LMX1B: variants seen among roughly 807,000 people sequenced by gnomAD.
LMX1B encodes the protein LIM homeobox transcription factor 1 beta.
In LMX1B, 12 loss-of-function variants were observed where a neutral mutation model predicts 51.4. The ratio of observed to expected loss-of-function variants is 0.23; its 90% CI spans 0.15 to 0.38. The LOEUF is 0.38. Ranked by LOEUF, LMX1B falls within the 10% of genes least tolerant of loss-of-function variation. The pLI, the probability that LMX1B is intolerant of heterozygous loss-of-function variation, is 1.00. For synonymous variants in LMX1B, 237 were observed against 235.4 expected (o/e 1.01, Z -0.06); for missense variants, 445 against 571.1 (o/e 0.78, Z 2.25).
intron 2 of LMX1B, among the ~76,000 whole-genome samples, chr9:126,637,318 G>C (rs1405757283): frequency 2.0e-5 from 3 of 152,160 alleles, no homozygotes; most frequent in South Asian, 2.1e-4. Context: ...CAGTGTGTGT[G>C]TCCCTGTGTG....
intron 2 of LMX1B, among the ~76,000 whole-genome samples, chr9:126,672,693 C>T (rs187803061): frequency 1.1e-3 from 163 of 152,286 alleles, no homozygotes; most frequent in African/African-American, 3.9e-3. Context: ...TCAGACCCAG[C>T]ATGTGCCGTA....
Position 126,626,791 on chromosome 9 carries a change from C to CGCG in LMX1B, c.326+11227_326+11229dup, listed in dbSNP as rs1835542009. On this transcript the variant is annotated intron_variant, in intron 2 of 7. Transcript: ENST00000373474. This position sits in a 1 kb window ranked among gnomAD's most constrained non-coding sequence, Gnocchi z 4.3. ...AGCGCCTCCGCCCCACCCCCAGCCC[C>CGCG]GCGGCGGTGATTTGTGTGCGGGGGT... is the stretch of plus-strand genomic sequence containing the variant. Among the ~76,000 whole-genome samples, 2 of 152,202 alleles carry CGCG rather than the reference C, an allele frequency of 1.3e-5. No homozygotes were observed. The highest frequency in any genetic ancestry group is 4.8e-5 in the African/African-American group (2 of 41,448).
chr9:126,654,446 A>G (rs1588283063), intron 2 of LMX1B, among the ~76,000 whole-genome samples: 1 of 152,198 alleles, frequency 6.6e-6, no homozygotes, highest in South Asian at 2.1e-4. Flanking sequence ...TGAGGTGGGG[A>G]ACGGGCACCT....
intron 2 of LMX1B, among the ~76,000 whole-genome samples, chr9:126,642,887 C>T (rs566766728): frequency 2.6e-5 from 4 of 152,216 alleles, no homozygotes; most frequent in Admixed American, 1.3e-4. Flanking sequence ...GATGATGGAT[C>T]TGCAGCCCGG....
At chr9:126,650,220 C>A (rs1335476773) in intron 2 of LMX1B, among the ~76,000 whole-genome samples, 3 of 152,210 alleles carry the variant, frequency 2.0e-5, no homozygotes, top group African/African-American at 7.2e-5. Context: ...TCCTGCCCTG[C>A]CCCGAAGTCG....
chr9:126,619,634 T>G (rs1040651445), intron 2 of LMX1B, among the ~76,000 whole-genome samples: 2 of 152,210 alleles, frequency 1.3e-5, no homozygotes, highest in Non-Finnish European at 2.9e-5. Flanking sequence ...TCTGGCCCTT[T>G]GGAGGGTACC....
At chr9:126,620,046 C>A (rs1055623290) in intron 2 of LMX1B, among the ~76,000 whole-genome samples, 1 of 152,152 alleles carries the variant, frequency 6.6e-6, no homozygotes, top group Non-Finnish European at 1.5e-5. Flanking sequence ...GTTATTAATA[C>A]TCTGGAAGTT....
intron 2 of LMX1B, among the ~76,000 whole-genome samples, chr9:126,639,581 C>G (rs1835771939): frequency 6.6e-6 from 1 of 152,202 alleles, no homozygotes; most frequent in Non-Finnish European, 1.5e-5. Flanking sequence ...TAACACACGC[C>G]CAACAATAAT....
chr9:126,627,684 T>C (rs188240284), intron 2 of LMX1B, among the ~76,000 whole-genome samples: 2 of 152,264 alleles, frequency 1.3e-5, no homozygotes, highest in East Asian at 3.9e-4. Context: ...GTGACCACAG[T>C]TGAGTGCAGC....
intron 2 of LMX1B, among the ~76,000 whole-genome samples, chr9:126,666,884 G>A (rs1312696237): frequency 3.3e-5 from 5 of 152,332 alleles, no homozygotes; most frequent in South Asian, 2.1e-4. Context: ...CGAAGGGTTC[G>A]AGGTTTCTTC....
rs1393414883 is a variant in LMX1B, at chr9:126,698,621, G to A, written c.*2170G>A. ...GTGATCACTGTGTCCCCTTGTTCAG[G>A]TGCTCACAACCCTACCTTTAACTCT... On this transcript the variant is annotated 3_prime_UTR_variant, in exon 8 of 8. Transcript: ENST00000373474. The A allele has an allele frequency of 6.6e-6, 1 of 152,436 alleles. No individual in the cohort carries two copies. Among genetic ancestry groups the A allele is most frequent in the Non-Finnish European group, 1.5e-5 (1 of 68,232 alleles). The allele number at this position is 152,436 out of a possible 1,614,324, so 9.4% of individuals were successfully genotyped here.
In LMX1B at chr9:126,644,673, G is replaced by T. The variant is rs80252777; in HGVS notation, c.326+29104G>T. 6.6e-5 allele frequency among the ~76,000 whole-genome samples: 10 copies of T among 151,956 alleles called. No homozygotes were observed. In the South Asian group the frequency reaches 1.7e-3, roughly 25 times the overall value. ...AATGGCTTTGCCCTCTGGCTCAGCCGAGTGAGAACTCTACTTTGCCACTTC... is the reference window on the plus strand; with the variant it reads ...AATGGCTTTGCCCTCTGGCTCAGCCTAGTGAGAACTCTACTTTGCCACTTC... On this transcript the variant is annotated intron_variant, in intron 2 of 7. Transcript: ENST00000373474.
At chr9:126,693,860 G>A (rs745944980) in intron 6 of LMX1B, 48 bp downstream of exon 6, 1 of 919,086 alleles carries the variant, frequency 1.1e-6, no homozygotes, top group East Asian at 2.6e-5. Flanking sequence ...GCTGGGGCCG[G>A]GGCCAGGGGT....
At position 126,631,049 on chromosome 9, in the gene LMX1B, C is replaced by T. The variant is rs577497248; in HGVS notation, c.326+15480C>T. On this transcript the variant is annotated intron_variant, in intron 2 of 7. Coordinates refer to ENST00000373474, the MANE Select transcript of LMX1B (RefSeq NM_001174147.2). ...CCACCCCTCCAGCTCTGGTTCTAGT[C>T]GGCAGGCCTGGAGCCAAAGGGGCGG... 5.9e-5 allele frequency among the ~76,000 whole-genome samples: 9 copies of T among 152,334 alleles called. No homozygotes were observed. In the South Asian group the frequency reaches 1.9e-3, roughly 32 times the overall value.
rs539864392 is a variant in LMX1B at position 126,673,653 on chromosome 9, G to A, written c.327-17183G>A. Among the ~76,000 whole-genome samples, 20 of 152,236 alleles carry A rather than the reference G, an allele frequency of 1.3e-4. No homozygotes were observed. Among genetic ancestry groups the A allele is most frequent in the African/African-American group, 4.1e-4 (17 of 41,548 alleles). On this transcript the variant is annotated intron_variant, in intron 2 of 7. Transcript: ENST00000373474. The surrounding 1 kb of genome is among the most constrained non-coding windows in gnomAD (Gnocchi z 4.4). The stretch of plus-strand genomic sequence containing the variant: ...CCACCTCCACTCTGGGCAGAGAGGG[G>A]GCATCGGGGGCATGGCTAGGGGCCA...
At chr9:126,680,625 T>C (rs1432124418) in intron 2 of LMX1B, among the ~76,000 whole-genome samples, 2 of 152,068 alleles carry the variant, frequency 1.3e-5, no homozygotes, top group Admixed American at 1.3e-4. Flanking sequence ...CTAGCTCAGT[T>C]TGATGAGCAG....
chr9:126,693,071 C>A, intron 3 of LMX1B, 71 bp from the exon 4 acceptor site: 1 of 1,483,496 alleles, frequency 6.7e-7, no homozygotes, highest in Non-Finnish European at 9.1e-7. Flanking sequence ...CAGCAGGTTG[C>A]CGAAGGGGAC....
At chr9:126,639,063 T>G (rs1588273468) in intron 2 of LMX1B, among the ~76,000 whole-genome samples, 2 of 124,560 alleles carry the variant, frequency 1.6e-5, no homozygotes, top group African/African-American at 3.1e-5. Context: ...AAAGGAGAGT[T>G]GGGAAGGAGA....
At chr9:126,635,484 T>C (rs1029417790) in intron 2 of LMX1B, among the ~76,000 whole-genome samples, 4 of 152,214 alleles carry the variant, frequency 2.6e-5, no homozygotes, top group Admixed American at 1.3e-4. Flanking sequence ...ACGCTGATGA[T>C]TGATGTCACA....
Sources: gnomAD v4.1 joint callset for allele counts (sites outside exome capture counted in the v4.1 genomes callset) on GRCh38, gnomAD v4.1.1 for gene constraint, Gnocchi (gnomAD v3.1) non-coding constraint, MANE v1.5 for transcripts, NCBI Gene and HGNC (gene_info 2026-07-23, HGNC 2026-07-21) for gene names.